CAPN13: variants seen among roughly 807,000 people sequenced by gnomAD.
The protein encoded by CAPN13 is calpain-13.
Under a neutral mutation model 98.4 loss-of-function variants are expected in CAPN13, and 90 were observed. That is an observed-to-expected ratio of 0.92 (90% CI 0.77 to 1.09). The LOEUF (loss-of-function observed/expected upper bound fraction) is 1.09. CAPN13 is among the 50% of genes least tolerant of loss of function. The pLI, the probability that CAPN13 is intolerant of heterozygous loss-of-function variation, is 0.00. For synonymous variants in CAPN13, 330 were observed against 305.5 expected (o/e 1.08, Z -0.84); for missense variants, 887 against 841.3 (o/e 1.05, Z -0.67).
intron 4 of CAPN13, among the ~76,000 whole-genome samples, chr2:30,772,601 G>A (rs1233905547): frequency 6.6e-6 from 1 of 152,168 alleles, no homozygotes; most frequent in African/African-American, 2.4e-5. Flanking sequence ...TGAACCAGCA[G>A]CACTAGCATC....
In CAPN13 at chr2:30,731,338, C is replaced by T; in HGVS notation, c.1983+6G>A. 5.0e-6 allele frequency: 8 copies of T among 1,608,352 alleles called. No individual in the cohort carries two copies. Among genetic ancestry groups the T allele is most frequent in the East Asian group, 2.3e-5 (1 of 44,426 alleles). ...TGCCTGCCCCGGGGAGGGGAAGGTA[C>T]CTCACCTCCATTTCTGTCAGGTAGA... On this transcript the variant is annotated splice_donor_region_variant and intron_variant, in intron 21 of 22. Coordinates refer to ENST00000295055, the MANE Select transcript of CAPN13 (RefSeq NM_144575.3).
intron 6 of CAPN13, 136 bp downstream of exon 6, chr2:30,763,996 C>T: frequency 2.4e-6 from 2 of 842,854 alleles, no homozygotes; most frequent in Non-Finnish European, 3.6e-6. Context: ...AATGGGGTGA[C>T]CCGGGTAAAG....
At chr2:30,801,997 C>A (rs916594324) in intron 1 of CAPN13, among the ~76,000 whole-genome samples, 1 of 152,204 alleles carries the variant, frequency 6.6e-6, no homozygotes, top group South Asian at 2.1e-4. Context: ...CCCTGCGCTG[C>A]GTCTAGCCAC....
At chr2:30,743,771 C>T in intron 12 of CAPN13, 192 bp from the exon 13 acceptor site, 1 of 694,290 alleles carries the variant, frequency 1.4e-6, no homozygotes, top group Non-Finnish European at 2.6e-6. Context: ...TCATCTAGAC[C>T]CTGGACACAA....
intron 1 of CAPN13, among the ~76,000 whole-genome samples, chr2:30,794,080 A>G (rs1389222695): frequency 6.6e-6 from 1 of 151,858 alleles, no homozygotes; most frequent in Non-Finnish European, 1.5e-5. Flanking sequence ...AGACTTCATC[A>G]AAGTTTAAAA....
intron 7 of CAPN13, among the ~76,000 whole-genome samples, chr2:30,760,775 GC>G (rs1672812322): frequency 6.6e-6 from 1 of 152,174 alleles, no homozygotes; most frequent in Non-Finnish European, 1.5e-5. Context: ...GCTCGCATGG[GC>G]CTTGGTCTGG....
At chr2:30,794,338 C>G (rs2148092561) in intron 1 of CAPN13, among the ~76,000 whole-genome samples, 1 of 151,924 alleles carries the variant, frequency 6.6e-6, no homozygotes, top group Non-Finnish European at 1.5e-5. Flanking sequence ...CAAATTCATA[C>G]CATGGTGAAA....
At chr2:30,754,416 T>G (rs1672333782) in intron 8 of CAPN13, 52 bp from the exon 9 acceptor site, 1 of 1,511,808 alleles carries the variant, frequency 6.6e-7, no homozygotes, top group Non-Finnish European at 9.0e-7. Context: ...GCATTTTTTC[T>G]CAACCATGTG....
At chr2:30,742,416 C>T in intron 13 of CAPN13, 57 bp from the exon 14 acceptor site, 1 of 1,570,864 alleles carries the variant, frequency 6.4e-7, no homozygotes, top group Non-Finnish European at 8.7e-7. Flanking sequence ...CAAAGGGGGC[C>T]TGCATATAGA....
chr2:30,741,893 T>A lies in CAPN13; in HGVS notation c.1536+15A>T. 6.2e-7 allele frequency: 1 copy of A among 1,613,920 alleles called. No homozygotes were observed. ...TCCAATCCCACGTAAGGCCCCTGGGTGCTAGGTACCATACCTGCTGAGCAT... is the reference window on the plus strand; with the variant it reads ...TCCAATCCCACGTAAGGCCCCTGGGAGCTAGGTACCATACCTGCTGAGCAT... On this transcript the variant is annotated intron_variant, in intron 15 of 22. Coordinates refer to ENST00000295055, the MANE Select transcript of CAPN13 (RefSeq NM_144575.3).
intron 2 of CAPN13, among the ~76,000 whole-genome samples, chr2:30,783,200 G>A (rs6717368): frequency 6.6e-6 from 1 of 152,156 alleles, no homozygotes; most frequent in Admixed American, 6.5e-5. Flanking sequence ...CCTAAAAGGG[G>A]TCCACTCTAA....
chr2:30,773,244 T>C (rs1255914394), intron 4 of CAPN13, among the ~76,000 whole-genome samples: 7 of 152,220 alleles, frequency 4.6e-5, no homozygotes, highest in African/African-American at 1.7e-4. Context: ...AACGAAACAA[T>C]GTTTACAGAC....
chr2:30,741,759 TG>T, intron 15 of CAPN13, 148 bp downstream of exon 15: 1 of 1,496,052 alleles, frequency 6.7e-7, no homozygotes, highest in Non-Finnish European at 8.9e-7. Context: ...ACAGCAGTTC[TG>T]GAGACGATCC....
chr2:30,798,301 C>T (rs777458492), intron 1 of CAPN13, among the ~76,000 whole-genome samples: 6 of 152,178 alleles, frequency 3.9e-5, no homozygotes, highest in Admixed American at 6.5e-5. Context: ...CAAGGAAGGC[C>T]GTAGCACTCT....
At chr2:30,723,547 A>C (rs1466230354) in intron 22 of CAPN13, among the ~76,000 whole-genome samples, 1 of 151,884 alleles carries the variant, frequency 6.6e-6, no homozygotes, top group Non-Finnish European at 1.5e-5. Context: ...GAGTGGAGGG[A>C]AACTTGGGGG....
intron 11 of CAPN13, among the ~76,000 whole-genome samples, chr2:30,746,935 G>C (rs2253121): frequency 6.6e-6 from 1 of 151,996 alleles, no homozygotes; most frequent in Admixed American, 6.6e-5. Context: ...TGAAAGGAAG[G>C]GGGAGATTTT....
chr2:30,799,666 G>T (rs1262124231), intron 1 of CAPN13, among the ~76,000 whole-genome samples: 1 of 152,194 alleles, frequency 6.6e-6, no homozygotes, highest in East Asian at 1.9e-4. Context: ...GGCTGAGAGG[G>T]GCAGAGGTAA....
intron 11 of CAPN13, among the ~76,000 whole-genome samples, chr2:30,748,548 T>C (rs531665758): frequency 6.6e-6 from 1 of 152,112 alleles, no homozygotes; most frequent in East Asian, 1.9e-4. Context: ...TGAGTGTGTG[T>C]GTGTGTGAGG....
intron 1 of CAPN13, among the ~76,000 whole-genome samples, chr2:30,796,349 T>G (rs1056856939): frequency 6.6e-6 from 1 of 151,734 alleles, no homozygotes; most frequent in African/African-American, 2.4e-5. Context: ...TATCACGTAC[T>G]ATGACAGTGC....
Sources: gnomAD v4.1 joint callset for allele counts (sites outside exome capture counted in the v4.1 genomes callset) on GRCh38, gnomAD v4.1.1 for gene constraint, MANE v1.5 for transcripts, NCBI Gene and HGNC (gene_info 2026-07-23, HGNC 2026-07-21) for gene names.